PHOSPHO1: variants seen among roughly 807,000 people sequenced by gnomAD.
PHOSPHO1 encodes the protein phosphoethanolamine/phosphocholine phosphatase.
A neutral mutation model predicts 17.7 loss-of-function variants in PHOSPHO1; 6 were observed. The ratio of observed to expected loss-of-function variants is 0.34; its 90% CI spans 0.19 to 0.67. PHOSPHO1 has a LOEUF of 0.67. Among genes scored for constraint, PHOSPHO1 ranks in the 30% least tolerant of loss-of-function variants. The pLI is 0.69. For missense variants in PHOSPHO1, 330 were observed against 392.1 expected, an observed-to-expected ratio of 0.84 and a Z score of 1.34; for synonymous variants, 159 against 174.6, an observed-to-expected ratio of 0.91 and a Z score of 0.71.
At position 49,223,622 on chromosome 17, in the gene PHOSPHO1, TACC is replaced by T. The variant is rs2043317471; in HGVS notation, c.*621_*623del. On this transcript the variant is annotated 3_prime_UTR_variant, in exon 3 of 3. Transcript: ENST00000310544. ...CCGAGCCGGACGGTGCGCTACCTCG[TACC>T]ACCACCAGGAGGCGATTGTTCCTCT... 1.3e-5 allele frequency: 2 copies of T among 152,584 alleles called. No homozygotes were observed. Among genetic ancestry groups the T allele is most frequent in the Admixed American group, 6.6e-5 (1 of 15,260 alleles). 9.5% of individuals were successfully genotyped at this position (152,584 alleles called of 1,614,324 possible). A position where few individuals can be genotyped will look rare whatever the true frequency, so the allele number is the denominator to read the frequency against.
At position 49,223,392 on chromosome 17, in the gene PHOSPHO1, TA is replaced by T; in HGVS notation, c.*853del. The T allele has an allele frequency of 7.2e-6, 1 of 138,372 alleles. No individual in the cohort carries two copies. The highest frequency in any genetic ancestry group is 1.5e-5 in the Non-Finnish European group (1 of 67,414). 8.6% of individuals were successfully genotyped at this position (138,372 alleles called of 1,614,324 possible). A position where few individuals can be genotyped will look rare whatever the true frequency, so the allele number is the denominator to read the frequency against. On this transcript the variant is annotated 3_prime_UTR_variant, in exon 3 of 3. Transcript: ENST00000310544. ...TCCCCCTTCACCTCCTTTATAGTTGTAAAACACCAGAGGAAGGAGGGGCTTG... is the reference window on the plus strand; with the variant it reads ...TCCCCCTTCACCTCCTTTATAGTTGTAAACACCAGAGGAAGGAGGGGCTTG...
intron 2 of PHOSPHO1, among the ~76,000 whole-genome samples, chr17:49,226,430 G>A (rs2043358267): frequency 6.6e-6 from 1 of 152,126 alleles, no homozygotes. Context: ...ACATCCAGTG[G>A]GCATTTCAGT....
Position 49,224,575 on chromosome 17 carries a change from C to A in PHOSPHO1, c.475G>T (p.Ala159Ser). The change falls in exon 3 of 3, where the codon GCT becomes TCT. Residue 159 changes from alanine (A) to serine (S), a missense_variant. Transcript: ENST00000310544. ...CTGTGTGTGTGGAACGGCCGCAGAGCCAGCAGTCCCCGCGCATCCGGCCCC... is the reference window on the plus strand; with the variant it reads ...CTGTGTGTGTGGAACGGCCGCAGAGACAGCAGTCCCCGCGCATCCGGCCCC... ...PSGPDARGLLALRPFHTHSCA... is the reference protein window; with the variant it reads ...PSGPDARGLLSLRPFHTHSCA... 1 of 1,563,082 alleles carries A rather than the reference C, an allele frequency of 6.4e-7. No individual in the cohort carries two copies.
In PHOSPHO1 at chr17:49,224,039, G is replaced by C. The variant is rs1405981449; in HGVS notation, c.*207C>G. 3 of 711,046 alleles carry C rather than the reference G, an allele frequency of 4.2e-6. No individual in the cohort carries two copies. Among genetic ancestry groups the C allele is most frequent in the Admixed American group, 3.1e-5 (1 of 31,846 alleles). The allele number at this position is 711,046 out of a possible 1,614,324, so 44.0% of individuals were successfully genotyped here. ...AGAACTCAACCGTGCACAGTGGAGT[G>C]GGGGAGGCAGCCGAGGTGGGTTAAC... is the stretch of plus-strand genomic sequence containing the variant. On this transcript the variant is annotated 3_prime_UTR_variant, in exon 3 of 3. Transcript: ENST00000310544.
chr17:49,228,303 C>A (rs1362636393), intron 1 of PHOSPHO1, among the ~76,000 whole-genome samples: 2 of 129,972 alleles, frequency 1.5e-5, no homozygotes, highest in African/African-American at 3.3e-5. Flanking sequence ...CTTCCTCCTT[C>A]CTTCCTTCCT....
At chr17:49,225,224 T>C (rs2043341081) in intron 2 of PHOSPHO1, 2 of 1,420,738 alleles carry the variant, frequency 1.4e-6, no homozygotes, top group African/African-American at 1.4e-5. Flanking sequence ...GTGGCACCTC[T>C]TAGTTAACTG....
intron 2 of PHOSPHO1, among the ~76,000 whole-genome samples, chr17:49,226,299 C>T (rs2043356537): frequency 6.6e-6 from 1 of 152,096 alleles, no homozygotes; most frequent in Non-Finnish European, 1.5e-5. Flanking sequence ...TGGCCTGGCA[C>T]ACCTTGTGAA....
rs1437579327 is a variant in PHOSPHO1, at chr17:49,224,453, G to A, written c.597C>T (p.Phe199=). The part of the protein sequence containing the change: ...AHDGVHFERL[F]YVGDGANDFC... ...AGTCGTTGGCGCCGTCGCCCACGTA[G>A]AAGAGGCGCTCGAAGTGCACGCCGT... is the stretch of plus-strand genomic sequence containing the variant. The change falls in exon 3 of 3, where the codon TTC becomes TTT. Residue 199 remains phenylalanine, a synonymous_variant. Transcript: ENST00000310544. The A allele has an allele frequency of 6.4e-7, 1 of 1,559,710 alleles. No individual in the cohort carries two copies.
chr17:49,229,504 G>T (rs2043392433), intron 1 of PHOSPHO1, among the ~76,000 whole-genome samples: 1 of 152,182 alleles, frequency 6.6e-6, no homozygotes, highest in Non-Finnish European at 1.5e-5. Context: ...AAATCTGTGG[G>T]AAGGGGGTGG....
chr17:49,224,797 G>T lies in PHOSPHO1; in HGVS notation c.253C>A (p.Arg85=). 1 of 1,598,250 alleles carries T rather than the reference G, an allele frequency of 6.3e-7. No individual in the cohort carries two copies. Among genetic ancestry groups the T allele is most frequent in the Non-Finnish European group, 8.5e-7 (1 of 1,172,842 alleles). ...VFKYLGEQGV[R]PRDLSAIYEA... Reference sequence around the variant, plus strand: ...TAGATGGCGCTCAGGTCCCGCGGCCGCACGCCCTGCTCGCCCAGGTACTTG... The same window carrying T: ...TAGATGGCGCTCAGGTCCCGCGGCCTCACGCCCTGCTCGCCCAGGTACTTG... Residue 85 remains arginine, a synonymous_variant, in exon 3 of 3, where the codon CGG becomes AGG. Transcript: ENST00000310544.
At chr17:49,229,246 G>C (rs944405270) in intron 1 of PHOSPHO1, 1 of 152,088 alleles carries the variant, frequency 6.6e-6, no homozygotes, top group African/African-American at 2.4e-5. Flanking sequence ...GCTCCAAAAG[G>C]TCTCTCACCT....
intron 1 of PHOSPHO1, among the ~76,000 whole-genome samples, chr17:49,228,539 C>T (rs546017594): frequency 1.4e-3 from 217 of 152,012 alleles, no homozygotes; most frequent in Admixed American, 2.1e-3. Context: ...GCCTGTAATC[C>T]CAGCACTTTG....
chr17:49,228,246 CTCCTTCCTTCCTTCCTTCCT>C (rs59056166), intron 1 of PHOSPHO1, among the ~76,000 whole-genome samples: 4,096 of 134,780 alleles, frequency 0.03, 78 homozygotes, highest in Middle Eastern at 0.045. Flanking sequence ...TCCTGTCTCT[CTCCTTCCTTCCTTCCTTCCT>C]TCCTTCCTTC....
In PHOSPHO1 at chr17:49,224,367, A is replaced by G. The variant is rs2043325888; in HGVS notation, c.683T>C (p.Met228Thr). The G allele has an allele frequency of 1.2e-5, 18 of 1,561,648 alleles. No homozygotes were observed. Among genetic ancestry groups the G allele is most frequent in the Non-Finnish European group, 1.6e-5 (18 of 1,157,106 alleles). The change falls in exon 3 of 3, where the codon ATG becomes ACG. Residue 228 changes from methionine to threonine, a missense_variant. Physicochemically the swap from Met to Thr is moderately conservative, Grantham distance 81. Coordinates refer to ENST00000310544, the MANE Select transcript of PHOSPHO1 (RefSeq NM_178500.4). Reference protein sequence around the residue: ...DVAFPRRGYPMHRLIQEAQKA... With the variant: ...DVAFPRRGYPTHRLIQEAQKA... ...CTGGGCCTCCTGAATGAGGCGGTGC[A>G]TGGGGTAGCCGCGGCGCGGGAAGGC... is the stretch of plus-strand genomic sequence containing the variant.
chr17:49,226,727 C>T lies in PHOSPHO1; in HGVS notation c.-36G>A, dbSNP rs2043361783. ...TTACCGTGAGCACCACCTGTAGGGA[C>T]TCTGTTGGCCTCCAGCCGTCGTCAC... On this transcript the variant is annotated 5_prime_UTR_variant, in exon 2 of 3. Transcript: ENST00000310544. The T allele has an allele frequency of 6.2e-7, 1 of 1,613,078 alleles. No individual in the cohort carries two copies.
At chr17:49,225,301 G>A in intron 2 of PHOSPHO1, 1 of 985,414 alleles carries the variant, frequency 1.0e-6, no homozygotes, top group Non-Finnish European at 1.2e-6. Context: ...GGGCCAATGG[G>A]GCTTAACAAG....
intron 1 of PHOSPHO1, among the ~76,000 whole-genome samples, chr17:49,227,415 G>A (rs2043368068): frequency 6.6e-6 from 1 of 152,090 alleles, no homozygotes; most frequent in East Asian, 1.9e-4. Context: ...TGGGAACTGG[G>A]TTTAACCTCT....
Position 49,224,282 on chromosome 17 carries a change from C to T in PHOSPHO1, c.768G>A (p.Val256=), listed in dbSNP as rs1161232762. The change falls in exon 3 of 3, where the codon GTG becomes GTA. Residue 256 remains valine (V), a synonymous_variant. Transcript: ENST00000310544. ...TCAGCACCTGTTGCAGGTGGAGGCG[C>T]ACATCTGCAGCCGTTTCCCAGGGCA... ...SVVPWETAAD[V]RLHLQQVLKS... 6.3e-7 allele frequency: 1 copy of T among 1,595,898 alleles called. No homozygotes were observed. Among genetic ancestry groups the T allele is most frequent in the Non-Finnish European group, 8.5e-7 (1 of 1,175,786 alleles).
intron 1 of PHOSPHO1, among the ~76,000 whole-genome samples, chr17:49,227,987 G>T (rs1481953941): frequency 1.3e-5 from 2 of 152,116 alleles, no homozygotes; most frequent in Non-Finnish European, 2.9e-5. Context: ...GCATGGGTTG[G>T]AGCTGTCCCC....
Sources: allele counts gnomAD v4.1 joint callset (sites outside exome capture counted in the v4.1 genomes callset), GRCh38; gene constraint gnomAD v4.1.1; transcripts MANE v1.5; gene names NCBI Gene and HGNC (gene_info 2026-07-23, HGNC 2026-07-21).